Variants in VGLL4 observed in about 807,000 individuals in gnomAD.
The protein encoded by VGLL4 is vestigial like family member 4.
In VGLL4, 7 loss-of-function variants were observed where a neutral mutation model predicts 21.0. That is an observed-to-expected ratio of 0.33 (90% confidence interval 0.19 to 0.63). The LOEUF is 0.63. VGLL4 is among the 20% of genes least tolerant of loss of function. The pLI, the probability that VGLL4 is intolerant of heterozygous loss-of-function variation, is 0.78. For missense variants in VGLL4, 394 were observed against 425.7 expected, an observed-to-expected ratio of 0.93 and a Z score of 0.66; for synonymous variants, 222 against 173.2, an observed-to-expected ratio of 1.28 and a Z score of -2.21.
chr3:11,575,005 C>T (rs546073644), intron 2 of VGLL4, among the ~76,000 whole-genome samples: 4 of 147,180 alleles, frequency 2.7e-5, no homozygotes, highest in Non-Finnish European at 5.9e-5. Flanking sequence ...AGAATAAAGC[C>T]GCAGATCTTT....
At chr3:11,651,336 C>CAAAAAAAA (rs201737430) in intron 2 of VGLL4, among the ~76,000 whole-genome samples, 1 of 108,230 alleles carries the variant, frequency 9.2e-6, no homozygotes, top group African/African-American at 3.2e-5. Flanking sequence ...GAGTGAGACT[C>CAAAAAAAA]AAAAAAAAAA....
rs1429393354 is a variant in VGLL4 at position 11,568,721 on chromosome 3, G to A, written c.273-3702C>T. On this transcript the variant is annotated intron_variant, in intron 2 of 4. Transcript: ENST00000430365. This position sits in a 1 kb window ranked among gnomAD's most constrained non-coding sequence, Gnocchi z 5.9. ...GCTTCCCAGGCGTCATGTGCTCCCGGGGACGGCAGAAAACCGCACGCATCC... is the reference window on the plus strand; with the variant it reads ...GCTTCCCAGGCGTCATGTGCTCCCGAGGACGGCAGAAAACCGCACGCATCC... 6.2e-5 allele frequency: 96 copies of A among 1,544,962 alleles called. No individual in the cohort carries two copies. The highest frequency in any genetic ancestry group is 7.9e-5 in the Non-Finnish European group (90 of 1,144,304).
At chr3:11,714,669 A>G (rs1473998478) in intron 1 of VGLL4, among the ~76,000 whole-genome samples, 1 of 152,090 alleles carries the variant, frequency 6.6e-6, no homozygotes, top group Non-Finnish European at 1.5e-5. Context: ...TTATACAGCA[A>G]GGCATATGAA....
chr3:11,717,857 A>G lies in VGLL4; in HGVS notation c.-14+2537T>C, dbSNP rs562938850. 6.6e-5 allele frequency among the ~76,000 whole-genome samples: 10 copies of G among 152,322 alleles called. No individual in the cohort carries two copies. The South Asian group carries it at 2.1e-3, about 32-fold the overall frequency. On this transcript the variant is annotated intron_variant, in intron 1 of 5. Transcript: ENST00000273038. The stretch of plus-strand genomic sequence containing the variant: ...TCCTGAAACTCTGTGATGTATTGGA[A>G]CTAATATTACCACCCTTTTACAAAG...
exon 2 of VGLL4, chr3:11,703,003 G>A: frequency 6.2e-7 from 1 of 1,613,136 alleles, no homozygotes; most frequent in South Asian, 1.1e-5. Context: ...CAGAGATGCT[G>A]CCCTGGACAA....
At chr3:11,611,093 A>G (rs1400305149) in intron 1 of VGLL4, among the ~76,000 whole-genome samples, 1 of 135,114 alleles carries the variant, frequency 7.4e-6, no homozygotes, top group East Asian at 2.6e-4. Flanking sequence ...AGGAAAATAA[A>G]TGGGAGGAAG....
chr3:11,678,560 C>T (rs2076326748), intron 2 of VGLL4, among the ~76,000 whole-genome samples: 1 of 152,204 alleles, frequency 6.6e-6, no homozygotes, highest in Admixed American at 6.5e-5. Flanking sequence ...TTCATCCTAA[C>T]CCAGGTGAGG....
At chr3:11,636,627 T>C (rs11128563) in intron 1 of VGLL4, among the ~76,000 whole-genome samples, 27,355 of 152,060 alleles carry the variant, frequency 0.18, 2,702 homozygotes, top group South Asian at 0.26. Flanking sequence ...AAGCAAATTG[T>C]TTATTAATGC....
chr3:11,618,495 G>A (rs1196396772), intron 1 of VGLL4, among the ~76,000 whole-genome samples: 1 of 152,098 alleles, frequency 6.6e-6, no homozygotes, highest in African/African-American at 2.4e-5. Context: ...AAGAAAAATG[G>A]CTTAATAATG....
chr3:11,596,132 G>A (rs1217569571), intron 2 of VGLL4, among the ~76,000 whole-genome samples: 1 of 152,094 alleles, frequency 6.6e-6, no homozygotes, highest in Non-Finnish European at 1.5e-5. Context: ...ACAGGGTAGG[G>A]AGTAACATTA....
At chr3:11,667,616 A>G (rs998874654) in intron 2 of VGLL4, among the ~76,000 whole-genome samples, 2 of 152,170 alleles carry the variant, frequency 1.3e-5, no homozygotes, top group Non-Finnish European at 2.9e-5. Context: ...AAAGGCCTCA[A>G]TAAACATTTG....
intron 1 of VGLL4, chr3:11,604,342 C>G (rs945665167): frequency 1.1e-6 from 1 of 929,176 alleles, no homozygotes; most frequent in Non-Finnish European, 1.3e-6. Flanking sequence ...CTCCAGTTAA[C>G]AGGTTAGCTG....
chr3:11,691,036 A>G (rs915862454), intron 2 of VGLL4, among the ~76,000 whole-genome samples: 3 of 152,060 alleles, frequency 2.0e-5, no homozygotes, highest in African/African-American at 4.8e-5. Flanking sequence ...CTAAATCTCC[A>G]CACAGAGATA....
At chr3:11,619,511 A>C (rs910259282) in intron 1 of VGLL4, among the ~76,000 whole-genome samples, 4 of 152,174 alleles carry the variant, frequency 2.6e-5, no homozygotes, top group African/African-American at 9.7e-5. Flanking sequence ...GTGTAATGCA[A>C]TGAAGCTTAA....
chr3:11,700,919 C>T (rs2076672395), intron 2 of VGLL4, among the ~76,000 whole-genome samples: 2 of 152,038 alleles, frequency 1.3e-5, no homozygotes, highest in South Asian at 2.1e-4. Context: ...TATACCTCAC[C>T]ATCAGGTGGT....
chr3:11,645,125 T>C (rs1039868035), upstream of VGLL4, among the ~76,000 whole-genome samples: 8 of 151,606 alleles, frequency 5.3e-5, no homozygotes, highest in Admixed American at 4.6e-4. Flanking sequence ...CAAAAACTGT[T>C]TACTGAACGA....
chr3:11,577,391 G>T (rs2074084663), intron 2 of VGLL4, among the ~76,000 whole-genome samples: 1 of 152,190 alleles, frequency 6.6e-6, no homozygotes, highest in Non-Finnish European at 1.5e-5. Context: ...GAGGCCAGGA[G>T]TTCAAGACCA....
intron 2 of VGLL4, among the ~76,000 whole-genome samples, chr3:11,656,851 C>T (rs148334681): frequency 5.9e-5 from 9 of 152,214 alleles, no homozygotes; most frequent in Non-Finnish European, 8.8e-5. Context: ...CCAGCAACAA[C>T]GAAGCACGGC....
intron 1 of VGLL4, among the ~76,000 whole-genome samples, chr3:11,602,555 A>G (rs1246641553): frequency 6.6e-6 from 1 of 152,240 alleles, no homozygotes; most frequent in African/African-American, 2.4e-5. Context: ...AGAAATATAA[A>G]TACATCGTTT....
Sources: gnomAD v4.1 joint callset for allele counts (sites outside exome capture counted in the v4.1 genomes callset) on GRCh38, gnomAD v4.1.1 for gene constraint, Gnocchi (gnomAD v3.1) non-coding constraint, MANE v1.5 for transcripts, NCBI Gene and HGNC (gene_info 2026-07-23, HGNC 2026-07-21) for gene names.